Variants in ACSS3 observed in about 807,000 individuals in gnomAD.
The protein encoded by ACSS3 is acyl-CoA synthetase short chain family member 3, also known as acyl-CoA synthetase short-chain family member 3, mitochondrial.
ACSS3 carries 64 observed loss-of-function variants against 84.2 expected under a neutral mutation model. The observed-to-expected ratio is 0.76, with a 90% confidence interval of 0.62 to 0.94. The LOEUF (loss-of-function observed/expected upper bound fraction) is 0.94. Among genes scored for constraint, ACSS3 ranks in the 40% least tolerant of loss-of-function variants. The pLI is 0.00. For synonymous variants in ACSS3, 317 were observed against 310.1 expected (o/e 1.02, Z -0.23); for missense variants, 815 against 867.6 (o/e 0.94, Z 0.76).
intron 2 of ACSS3, among the ~76,000 whole-genome samples, chr12:81,129,385 G>A (rs1162394826): frequency 6.6e-6 from 1 of 152,080 alleles, no homozygotes; most frequent in Non-Finnish European, 1.5e-5. Flanking sequence ...TGAGTTCTAT[G>A]GCAAACCACT....
chr12:81,254,793 A>C (rs2034253767), intron 15 of ACSS3, 64 bp from the exon 16 acceptor site: 1 of 1,287,496 alleles, frequency 7.8e-7, no homozygotes, highest in Admixed American at 2.1e-5. Context: ...ATAATTGTTT[A>C]ATTATAGAAA....
intron 13 of ACSS3, among the ~76,000 whole-genome samples, chr12:81,252,893 T>C (rs1000449203): frequency 1.2e-4 from 19 of 152,212 alleles, no homozygotes; most frequent in Admixed American, 1.1e-3. Flanking sequence ...CGGATTCCTC[T>C]GGAAGGTATG....
chr12:81,155,192 T>G (rs886336288), intron 7 of ACSS3, among the ~76,000 whole-genome samples: 2 of 152,210 alleles, frequency 1.3e-5, no homozygotes, highest in African/African-American at 4.8e-5. Context: ...CCTCGTTTTC[T>G]TTCTTCCATC....
intron 13 of ACSS3, among the ~76,000 whole-genome samples, chr12:81,238,403 A>G (rs2033694707): frequency 1.3e-5 from 2 of 151,788 alleles, no homozygotes; most frequent in South Asian, 2.1e-4. Flanking sequence ...CTGTCATTGG[A>G]ACGACAGATT....
chr12:81,164,557 G>A (rs1007407354), intron 7 of ACSS3, among the ~76,000 whole-genome samples: 1 of 152,030 alleles, frequency 6.6e-6, no homozygotes, highest in Non-Finnish European at 1.5e-5. Context: ...GGAACTGCTC[G>A]CAAGTTATTT....
chr12:81,154,995 C>G (rs1886792810), intron 7 of ACSS3, among the ~76,000 whole-genome samples: 1 of 152,118 alleles, frequency 6.6e-6, no homozygotes, highest in Admixed American at 6.6e-5. Context: ...GTGCAGTGCC[C>G]CTTTTTGTGG....
intron 12 of ACSS3, among the ~76,000 whole-genome samples, chr12:81,232,622 C>T (rs890598691): frequency 6.6e-6 from 1 of 151,648 alleles, no homozygotes; most frequent in Non-Finnish European, 1.5e-5. Context: ...TTCACAGAAG[C>T]TTTAGAAGGC....
intron 1 of ACSS3, among the ~76,000 whole-genome samples, chr12:81,088,431 A>G (rs1317661745): frequency 2.0e-5 from 3 of 152,068 alleles, no homozygotes; most frequent in African/African-American, 4.8e-5. Context: ...ATTGTCAGGT[A>G]TATCATAAAA....
chr12:81,246,420 CT>C lies in ACSS3; in HGVS notation c.1720-6886del, dbSNP rs1396174859. Among the ~76,000 whole-genome samples the C allele has an allele frequency of 3.3e-5, 5 of 152,256 alleles. No homozygotes were observed. In the East Asian group the frequency reaches 9.7e-4, roughly 29 times the overall value. Reference sequence around the variant, plus strand: ...AGCAGGCTCTTAGGGCTTTTTCTGTCTGTACTCATTGTCAGTTACACATGCT... The same window carrying C: ...AGCAGGCTCTTAGGGCTTTTTCTGTCGTACTCATTGTCAGTTACACATGCT... On this transcript the variant is annotated intron_variant, in intron 13 of 15. Coordinates refer to ENST00000548058, the MANE Select transcript of ACSS3 (RefSeq NM_024560.4).
intron 2 of ACSS3, among the ~76,000 whole-genome samples, chr12:81,110,065 T>C (rs559437047): frequency 1.3e-5 from 2 of 152,216 alleles, no homozygotes; most frequent in African/African-American, 4.8e-5. Context: ...TCCCTGTCAC[T>C]AGGCTCTGCT....
At chr12:81,205,776 A>G (rs955227548) in intron 9 of ACSS3, among the ~76,000 whole-genome samples, 2 of 152,098 alleles carry the variant, frequency 1.3e-5, no homozygotes, top group African/African-American at 4.8e-5. Flanking sequence ...TATTTAGGCT[A>G]TAATAAGGAA....
At chr12:81,220,485 C>T (rs969472170) in intron 11 of ACSS3, among the ~76,000 whole-genome samples, 2 of 151,882 alleles carry the variant, frequency 1.3e-5, no homozygotes, top group Non-Finnish European at 2.9e-5. Context: ...ATTACAAGTT[C>T]GTTTCATGGG....
chr12:81,203,398 G>T (rs1386465448), intron 9 of ACSS3, among the ~76,000 whole-genome samples: 3 of 152,044 alleles, frequency 2.0e-5, no homozygotes, highest in Non-Finnish European at 4.4e-5. Context: ...CAGATTGCTA[G>T]GTATTTCTTA....
At chr12:81,206,227 G>C (rs11835638) in intron 9 of ACSS3, among the ~76,000 whole-genome samples, 56,680 of 151,864 alleles carry the variant, frequency 0.37, 11,881 homozygotes, top group Non-Finnish European at 0.48. Context: ...CACTATGGTG[G>C]GAGGGTTTCT....
At chr12:81,241,188 G>C (rs1371374990) in intron 13 of ACSS3, among the ~76,000 whole-genome samples, 4 of 151,950 alleles carry the variant, frequency 2.6e-5, no homozygotes, top group Non-Finnish European at 5.9e-5. Context: ...TGGCTGCATA[G>C]TATTCCATGG....
intron 13 of ACSS3, among the ~76,000 whole-genome samples, chr12:81,237,918 T>A (rs138107278): frequency 4.0e-5 from 6 of 151,822 alleles, no homozygotes; most frequent in Non-Finnish European, 8.9e-5. Context: ...AGGGTGGACA[T>A]CCTTGCCTTG....
intron 1 of ACSS3, among the ~76,000 whole-genome samples, chr12:81,081,249 T>A (rs1323238820): frequency 6.6e-6 from 1 of 152,180 alleles, no homozygotes; most frequent in Non-Finnish European, 1.5e-5. Flanking sequence ...GGAGAATAAA[T>A]CTTTAAGGGC....
intron 1 of ACSS3, among the ~76,000 whole-genome samples, chr12:81,088,183 A>G (rs1259631661): frequency 6.6e-6 from 1 of 152,112 alleles, no homozygotes; most frequent in Non-Finnish European, 1.5e-5. Context: ...TTGGAAGTAC[A>G]TGTAGAATAG....
Position 81,254,869 on chromosome 12 carries a change from A to T in ACSS3, c.2008A>T (p.Ile670Phe), listed in dbSNP as rs1200299829. The part of the protein sequence containing the change: ...NGKPYKITST[I>F]EDPSIFGHVE... ...ATTTTTTTTCCAGATAACTTCTACA[A>T]TTGAAGACCCCAGCATTTTTGGCCA... is the stretch of plus-strand genomic sequence containing the variant. The change falls in exon 16 of 16, where the codon ATT becomes TTT. Residue 670 changes from isoleucine (I) to phenylalanine (F), a missense_variant. Ile to Phe is a conservative substitution (Grantham distance 21, BLOSUM62 0). Coordinates refer to ENST00000548058, the MANE Select transcript of ACSS3 (RefSeq NM_024560.4). The T allele has an allele frequency of 6.2e-7, 1 of 1,608,850 alleles. No homozygotes were observed. Among genetic ancestry groups the T allele is most frequent in the African/African-American group, 1.3e-5 (1 of 74,704 alleles).
Sources: gnomAD v4.1 joint callset for allele counts (sites outside exome capture counted in the v4.1 genomes callset) on GRCh38, gnomAD v4.1.1 for gene constraint, MANE v1.5 for transcripts, NCBI Gene and HGNC (gene_info 2026-07-23, HGNC 2026-07-21) for gene names.